The following RYR3 variants were observed in gnomAD, a reference collection of about 807,000 sequenced individuals.
RYR3 encodes brain ryanodine receptor-calcium release channel.
Under a neutral mutation model 584.3 loss-of-function variants are expected in RYR3, and 207 were observed. The ratio of observed to expected loss-of-function variants is 0.35; its 90% CI spans 0.32 to 0.40. The LOEUF (loss-of-function observed/expected upper bound fraction) is 0.40, where lower values mean the gene tolerates loss of function less well. RYR3 is among the 10% of genes least tolerant of loss of function. The pLI is 1.00. For missense variants in RYR3, 5,616 were observed against 6,089.2 expected, an observed-to-expected ratio of 0.92 and a Z score of 2.59; for synonymous variants, 2,416 against 2,248.5, an observed-to-expected ratio of 1.07 and a Z score of -2.11.
intron 48 of RYR3, among the ~76,000 whole-genome samples, 181 bp from the exon 49 acceptor site, chr15:33,736,054 G>A (rs2288607): frequency 0.37 from 55,753 of 151,932 alleles, 10,662 homozygotes; most frequent in East Asian, 0.57. Context: ...CTCTTTTTCT[G>A]AATTTTAACT....
intron 1 of RYR3, among the ~76,000 whole-genome samples, chr15:33,455,491 A>G (rs897856622): frequency 6.7e-6 from 1 of 150,312 alleles, no homozygotes; most frequent in African/African-American, 2.4e-5. Context: ...GCTTTTCAGG[A>G]GAGGAGTACG....
intron 63 of RYR3, among the ~76,000 whole-genome samples, chr15:33,773,044 C>T (rs1460112145): frequency 6.6e-6 from 1 of 152,130 alleles, no homozygotes; most frequent in African/African-American, 2.4e-5. Context: ...CAGCAGAGAA[C>T]CTGGGATAGG....
chr15:33,337,416 G>A (rs890427566), intron 1 of RYR3, among the ~76,000 whole-genome samples: 9 of 152,158 alleles, frequency 5.9e-5, no homozygotes, highest in African/African-American at 2.2e-4. Flanking sequence ...CAAAAATCAA[G>A]CAACTGATAA....
At chr15:33,556,618 GAA>G (rs1567528597) in intron 10 of RYR3, among the ~76,000 whole-genome samples, 1 of 152,096 alleles carries the variant, frequency 6.6e-6, no homozygotes, top group Non-Finnish European at 1.5e-5. Context: ...TTTCCCACAC[GAA>G]GTCTGTTAAC....
intron 1 of RYR3, among the ~76,000 whole-genome samples, chr15:33,325,775 TTC>T (rs2140589693): frequency 7.6e-6 from 1 of 131,328 alleles, no homozygotes; most frequent in Admixed American, 7.7e-5. Context: ...CCTTCCTTCC[TTC>T]TTTCTTTTCT....
intron 2 of RYR3, among the ~76,000 whole-genome samples, chr15:33,494,680 G>C (rs980190502): frequency 5.9e-5 from 9 of 152,080 alleles, no homozygotes; most frequent in Non-Finnish European, 1.3e-4. Flanking sequence ...ATATTTTCCA[G>C]CTATAAGTTT....
At chr15:33,385,772 T>C (rs1595924095) in intron 1 of RYR3, among the ~76,000 whole-genome samples, 1 of 151,104 alleles carries the variant, frequency 6.6e-6, no homozygotes, top group Non-Finnish European at 1.5e-5. Context: ...GGCATTATTA[T>C]GGCTCACTGC....
At chr15:33,650,309 G>A (rs906633055) in intron 31 of RYR3, among the ~76,000 whole-genome samples, 1 of 152,132 alleles carries the variant, frequency 6.6e-6, no homozygotes, top group Non-Finnish European at 1.5e-5. Context: ...CCCAGAAGGT[G>A]AATGTTGCAG....
intron 1 of RYR3, 76 bp from the exon 2 acceptor site, chr15:33,473,343 C>T: frequency 6.3e-7 from 1 of 1,582,146 alleles, no homozygotes; most frequent in Non-Finnish European, 8.7e-7. Context: ...TTACCTGACT[C>T]AGGTACAGGA....
chr15:33,625,256 A>G (rs1366282884), intron 20 of RYR3, among the ~76,000 whole-genome samples: 1 of 152,176 alleles, frequency 6.6e-6, no homozygotes. Flanking sequence ...GGCTGCCCCT[A>G]TGATCAAATC....
chr15:33,549,028 A>G (rs2056467010), intron 9 of RYR3, among the ~76,000 whole-genome samples: 1 of 151,002 alleles, frequency 6.6e-6, no homozygotes, highest in African/African-American at 2.4e-5. Flanking sequence ...ATCAGAAGGG[A>G]ATGTTAGGAA....
At chr15:33,435,164 T>C (rs537027734) in intron 1 of RYR3, among the ~76,000 whole-genome samples, 8 of 152,264 alleles carry the variant, frequency 5.3e-5, no homozygotes, top group African/African-American at 1.2e-4. Flanking sequence ...TTTGTTATTA[T>C]AGGTAAATTT....
chr15:33,785,766 A>C lies in RYR3; in HGVS notation c.9373A>C (p.Thr3125Pro). The C allele has an allele frequency of 6.2e-7, 1 of 1,614,004 alleles. No individual in the cohort carries two copies. The highest frequency in any genetic ancestry group is 8.5e-7 in the Non-Finnish European group (1 of 1,179,882). Residue 3125 changes from threonine (T) to proline (P), a missense_variant, in exon 66 of 104, where the codon ACA (threonine) becomes CCA (proline). By Grantham distance (38) the Thr-to-Pro change is conservative. Coordinates refer to ENST00000634891, the MANE Select transcript of RYR3 (RefSeq NM_001036.6). The part of the protein sequence containing the change: ...NDLAESGARY[T>P]EMPHVIEVIL... Reference sequence around the variant, plus strand: ...CCTGGCCGAGTCAGGGGCCCGGTACACAGAGATGCCCCATGTCATCGAGGT... The same window carrying C: ...CCTGGCCGAGTCAGGGGCCCGGTACCCAGAGATGCCCCATGTCATCGAGGT...
chr15:33,728,722 G>C (rs1380880391), intron 46 of RYR3, 135 bp from the exon 47 acceptor site: 1 of 784,120 alleles, frequency 1.3e-6, no homozygotes, highest in African/African-American at 1.8e-5. Flanking sequence ...TTGGATTTGA[G>C]ATGCTCAATC....
chr15:33,837,559 G>C, intron 88 of RYR3, 72 bp from the exon 89 acceptor site: 1 of 1,454,634 alleles, frequency 6.9e-7, no homozygotes, highest in South Asian at 1.5e-5. Flanking sequence ...TCTAAAAATA[G>C]CTACCTGACA....
At position 33,584,402 on chromosome 15, in the gene RYR3, C is replaced by T. The variant is rs1431322778; in HGVS notation, c.1581C>T (p.Leu527=). The T allele has an allele frequency of 3.1e-6, 5 of 1,593,968 alleles. No homozygotes were observed. Among genetic ancestry groups the T allele is most frequent in the Admixed American group, 1.7e-5 (1 of 59,670 alleles). ...LNLLYKLLAA[L]IRGNRNNCAQ... ...ACATCTCCTTGTTTGCAGCTGCTCT[C>T]ATTCGCGGAAACAGAAACAATTGCG... The change falls in exon 15 of 104, where the codon CTC becomes CTT. Residue 527 remains leucine (L), a synonymous_variant. Coordinates refer to ENST00000634891, the MANE Select transcript of RYR3 (RefSeq NM_001036.6).
At position 33,670,543 on chromosome 15, in the gene RYR3, G is replaced by A. The variant is rs2063782140; in HGVS notation, c.5847G>A (p.Glu1949=). ...KPEKEQPTEE[E]ERCPTTLKEL... ...AGAAGGAGCAGCCGACGGAGGAGGAGGAGAGATGCCCCAGTAAGTGACATT... is the reference window on the plus strand; with the variant it reads ...AGAAGGAGCAGCCGACGGAGGAGGAAGAGAGATGCCCCAGTAAGTGACATT... The change falls in exon 38 of 104, where the codon GAG becomes GAA. Residue 1949 remains glutamate (E), a synonymous_variant. Coordinates refer to ENST00000634891, the MANE Select transcript of RYR3 (RefSeq NM_001036.6). 1 of 1,582,164 alleles carries A rather than the reference G, an allele frequency of 6.3e-7. No homozygotes were observed. The highest frequency in any genetic ancestry group is 1.4e-5 in the African/African-American group (1 of 73,088).
chr15:33,850,992 G>T (rs1377420796), intron 94 of RYR3: 2 of 152,070 alleles, frequency 1.3e-5, no homozygotes, highest in African/African-American at 4.8e-5. Flanking sequence ...AATATAAGTG[G>T]AATTATACTA....
At chr15:33,676,688 T>C (rs2064201220) in intron 38 of RYR3, among the ~76,000 whole-genome samples, 6 of 152,138 alleles carry the variant, frequency 3.9e-5, no homozygotes, top group Admixed American at 3.9e-4. Context: ...ACACCCTGCA[T>C]GGCAAACAAA....
Sources: allele counts gnomAD v4.1 joint callset (sites outside exome capture counted in the v4.1 genomes callset), GRCh38; gene constraint gnomAD v4.1.1; transcripts MANE v1.5; gene names NCBI Gene and HGNC (gene_info 2026-07-23, HGNC 2026-07-21).